The following GPC6 variants were observed in gnomAD, a reference collection of about 807,000 sequenced individuals.
The protein encoded by GPC6 is glypican 6.
GPC6 carries 14 observed loss-of-function variants against 55.2 expected under a neutral mutation model. The ratio of observed to expected loss-of-function variants is 0.25; its 90% CI spans 0.17 to 0.40. The LOEUF (loss-of-function observed/expected upper bound fraction) is 0.40, where lower values mean the gene tolerates loss of function less well. Ranked by LOEUF, GPC6 falls within the 10% of genes least tolerant of loss-of-function variation. The probability of loss-of-function intolerance (pLI) is 1.00; values close to 1 mark genes in which losing one functional copy is unlikely to be tolerated. For synonymous variants in GPC6, 278 were observed against 259.6 expected, an observed-to-expected ratio of 1.07 and a Z score of -0.68; for missense variants, 641 against 708.5, an observed-to-expected ratio of 0.90 and a Z score of 1.08.
At chr13:94,083,521 T>A (rs1205166124) in intron 4 of GPC6, among the ~76,000 whole-genome samples, 2 of 152,226 alleles carry the variant, frequency 1.3e-5, no homozygotes, top group African/African-American at 4.8e-5. Context: ...TTTCATAAGG[T>A]CAGGCACTTT....
At chr13:94,098,576 G>A (rs1240778241) in intron 4 of GPC6, among the ~76,000 whole-genome samples, 1 of 152,066 alleles carries the variant, frequency 6.6e-6, no homozygotes, top group East Asian at 1.9e-4. Context: ...CCATTAAATA[G>A]GTCCATTTAA....
chr13:94,079,550 G>C (rs1885034916), intron 4 of GPC6, among the ~76,000 whole-genome samples: 1 of 152,106 alleles, frequency 6.6e-6, no homozygotes, highest in Non-Finnish European at 1.5e-5. Context: ...TTCACCCATG[G>C]TGAGCTTAAT....
In GPC6 at chr13:93,696,070, A is replaced by G. The variant is rs141802209; in HGVS notation, c.320-134084A>G. Among the ~76,000 whole-genome samples, 418 of 152,284 alleles carry G rather than the reference A, an allele frequency of 2.7e-3. 5 individuals carry two copies. The highest frequency in any genetic ancestry group is 9.7e-3 in the African/African-American group (403 of 41,568). Reference sequence around the variant, plus strand: ...ACTTTTGACATTTTTCCTTTTTGAAATGTATTCCCAAATACATGGAAATAT... The same window carrying G: ...ACTTTTGACATTTTTCCTTTTTGAAGTGTATTCCCAAATACATGGAAATAT... On this transcript the variant is annotated intron_variant, in intron 2 of 8. Transcript: ENST00000377047.
chr13:94,133,412 C>G (rs990595481), intron 4 of GPC6, among the ~76,000 whole-genome samples: 9 of 151,644 alleles, frequency 5.9e-5, no homozygotes, highest in African/African-American at 2.2e-4. Flanking sequence ...TAAAAACTTC[C>G]CACTTAAAAA....
chr13:93,807,777 C>G (rs151121376), intron 2 of GPC6, among the ~76,000 whole-genome samples: 1 of 152,104 alleles, frequency 6.6e-6, no homozygotes, highest in Non-Finnish European at 1.5e-5. Flanking sequence ...GACTCACTTG[C>G]GATAAATAAA....
At chr13:93,951,326 T>A (rs1402575676) in intron 3 of GPC6, among the ~76,000 whole-genome samples, 1 of 152,178 alleles carries the variant, frequency 6.6e-6, no homozygotes, top group Non-Finnish European at 1.5e-5. Context: ...ATTTTAGGTC[T>A]GTTATTCTCT....
intron 2 of GPC6, among the ~76,000 whole-genome samples, chr13:93,697,663 G>A (rs542599019): frequency 1.1e-4 from 17 of 152,096 alleles, no homozygotes; most frequent in South Asian, 2.1e-4. Context: ...TTGTCCATAC[G>A]TTAGTTCCAA....
intron 4 of GPC6, among the ~76,000 whole-genome samples, chr13:94,050,902 G>T (rs1047344358): frequency 6.6e-6 from 1 of 152,140 alleles, no homozygotes; most frequent in Non-Finnish European, 1.5e-5. Context: ...AATGGCATTT[G>T]TAATCTAGCT....
chr13:93,918,313 G>A (rs2140342419), intron 3 of GPC6, among the ~76,000 whole-genome samples: 1 of 152,158 alleles, frequency 6.6e-6, no homozygotes, highest in South Asian at 2.1e-4. Flanking sequence ...TGACCCATGT[G>A]CCAGGCAATC....
At chr13:93,645,930 G>A (rs984364924) in intron 2 of GPC6, among the ~76,000 whole-genome samples, 10 of 151,972 alleles carry the variant, frequency 6.6e-5, no homozygotes, top group African/African-American at 2.4e-4. Flanking sequence ...CTCGTCCCCC[G>A]ACCCTCCCCA....
chr13:93,881,067 G>C (rs888225379), intron 3 of GPC6, among the ~76,000 whole-genome samples: 1 of 151,986 alleles, frequency 6.6e-6, no homozygotes, highest in African/African-American at 2.4e-5. Flanking sequence ...TTGCTTATTA[G>C]CCACGACCTT....
intron 1 of GPC6, among the ~76,000 whole-genome samples, chr13:93,318,383 T>C (rs947704631): frequency 7.2e-5 from 11 of 152,136 alleles, no homozygotes; most frequent in African/African-American, 2.7e-4. Flanking sequence ...TATAGTTCTT[T>C]TCTGTAACAA....
intron 2 of GPC6, among the ~76,000 whole-genome samples, chr13:93,610,662 A>G (rs1380128084): frequency 6.6e-6 from 1 of 152,184 alleles, no homozygotes; most frequent in African/African-American, 2.4e-5. Context: ...ATTATATAAT[A>G]TACATATCCA....
chr13:93,278,056 G>A (rs1191634255), intron 1 of GPC6, among the ~76,000 whole-genome samples: 1 of 152,068 alleles, frequency 6.6e-6, no homozygotes, highest in African/African-American at 2.4e-5. Flanking sequence ...GTTTTCAACA[G>A]TAATAATTTG....
chr13:93,821,696 A>G (rs1887050549), intron 2 of GPC6, among the ~76,000 whole-genome samples: 1 of 152,204 alleles, frequency 6.6e-6, no homozygotes, highest in African/African-American at 2.4e-5. Context: ...CACATCTCAC[A>G]GTAGATGTAC....
chr13:93,542,727 A>C (rs1222586668), intron 1 of GPC6, among the ~76,000 whole-genome samples: 1 of 152,152 alleles, frequency 6.6e-6, no homozygotes, highest in Non-Finnish European at 1.5e-5. Context: ...TTCTCCTTGA[A>C]GAGGTCCATC....
chr13:93,926,947 G>T (rs1323987535), intron 3 of GPC6, among the ~76,000 whole-genome samples: 2 of 152,120 alleles, frequency 1.3e-5, no homozygotes, highest in Non-Finnish European at 2.9e-5. Context: ...ACAGTTCAGA[G>T]ATTTCACTGT....
intron 4 of GPC6, among the ~76,000 whole-genome samples, chr13:94,253,034 C>G (rs1420239224): frequency 6.6e-6 from 1 of 151,728 alleles, no homozygotes; most frequent in Non-Finnish European, 1.5e-5. Context: ...GATAAGAGGC[C>G]AAGAAGCTCA....
In GPC6 at chr13:94,346,632, A is replaced by G. The variant is rs533023853; in HGVS notation, c.1153-35782A>G. Among the ~76,000 whole-genome samples, 48 of 151,794 alleles carry G rather than the reference A, an allele frequency of 3.2e-4. No individual in the cohort carries two copies. In the South Asian group the frequency reaches 9.8e-3, roughly 31 times the overall value. On this transcript the variant is annotated intron_variant, in intron 6 of 8. Transcript: ENST00000377047. ...AGGTATGCGGAAGGCTGAGGCAGGG[A>G]ATTGCTTGAACCTGGGAGGCGGAGG...
Sources: allele counts gnomAD v4.1 joint callset (sites outside exome capture counted in the v4.1 genomes callset), GRCh38; gene constraint gnomAD v4.1.1; transcripts MANE v1.5; gene names NCBI Gene and HGNC (gene_info 2026-07-23, HGNC 2026-07-21).